Variants in PLD1 observed in about 807,000 individuals in gnomAD.
The protein encoded by PLD1 is phospholipase D1.
Under a neutral mutation model 137.1 loss-of-function variants are expected in PLD1, and 112 were observed. That is an observed-to-expected ratio of 0.82 (90% CI 0.70 to 0.96). The LOEUF (loss-of-function observed/expected upper bound fraction) is 0.96, where lower values mean the gene tolerates loss of function less well. Among genes scored for constraint, PLD1 ranks in the 40% least tolerant of loss-of-function variants. PLD1 has a pLI of 0.00. For missense variants in PLD1, 1,321 were observed against 1,342.0 expected, an observed-to-expected ratio of 0.98 and a Z score of 0.24; for synonymous variants, 431 against 454.7, an observed-to-expected ratio of 0.95 and a Z score of 0.66.
At chr3:171,603,993 G>T (rs545720865) in intron 26 of PLD1, among the ~76,000 whole-genome samples, 112 of 152,088 alleles carry the variant, frequency 7.4e-4, no homozygotes, top group Non-Finnish European at 9.0e-4. Context: ...ATGACTCTAT[G>T]CACATGACCT....
At chr3:171,729,718 A>G (rs147284132) in intron 6 of PLD1, among the ~76,000 whole-genome samples, 73 of 152,356 alleles carry the variant, frequency 4.8e-4, no homozygotes, top group South Asian at 1.2e-3. Flanking sequence ...CTAAGACTCA[A>G]TCATAAGAAA....
Position 171,659,199 on chromosome 3 carries a change from C to T in PLD1, c.2429+14G>A. 6.4e-7 allele frequency: 1 copy of T among 1,573,560 alleles called. No homozygotes were observed. Among genetic ancestry groups the T allele is most frequent in the East Asian group, 2.2e-5 (1 of 44,676 alleles). The stretch of plus-strand genomic sequence containing the variant: ...GAACATCTGCAGCGAGAACTCTCAG[C>T]CAAAGGCTGTTACCTGTGAGCTTTC... On this transcript the variant is annotated intron_variant, in intron 21 of 26. Transcript: ENST00000351298.
At chr3:171,712,772 T>C (rs948942888) in intron 9 of PLD1, among the ~76,000 whole-genome samples, 1 of 152,146 alleles carries the variant, frequency 6.6e-6, no homozygotes, top group Non-Finnish European at 1.5e-5. Context: ...AAGGGACCAG[T>C]GAGAACTGTG....
chr3:171,692,412 A>G lies in PLD1; in HGVS notation c.1258T>C (p.Tyr420His). 6.2e-7 allele frequency: 1 copy of G among 1,600,610 alleles called. No homozygotes were observed. Among genetic ancestry groups the G allele is most frequent in the Non-Finnish European group, 8.6e-7 (1 of 1,167,624 alleles). The change falls in exon 13 of 27, where the codon TAC becomes CAC. Residue 420 changes from tyrosine (Y) to histidine (H), a missense_variant. Physicochemically the swap from Tyr to His is moderately conservative, Grantham distance 83. Transcript: ENST00000351298. ...CCAAGAGCGAGTTCCACCTCTTTGT[A>G]GAGCATTATGAAGATCCTCACTCCT... ...QQGVRIFIML[Y>H]KEVELALGIN...
intron 26 of PLD1, among the ~76,000 whole-genome samples, chr3:171,604,659 T>G (rs996826849): frequency 2.6e-5 from 4 of 152,214 alleles, no homozygotes; most frequent in Admixed American, 1.3e-4. Flanking sequence ...AAGGATAGAC[T>G]TCACAGGCAA....
intron 23 of PLD1, among the ~76,000 whole-genome samples, chr3:171,631,672 A>G (rs758400939): frequency 5.9e-5 from 9 of 152,188 alleles, no homozygotes; most frequent in Non-Finnish European, 1.2e-4. Context: ...TCCAAAAATC[A>G]TCAAGCCACC....
At chr3:171,645,345 C>A (rs537165270) in intron 21 of PLD1, among the ~76,000 whole-genome samples, 3 of 152,036 alleles carry the variant, frequency 2.0e-5, no homozygotes, top group Admixed American at 6.6e-5. Context: ...TGGAAAGAGG[C>A]GGGTAGGGGA....
intron 8 of PLD1, among the ~76,000 whole-genome samples, chr3:171,720,477 A>G (rs1332067703): frequency 1.3e-5 from 2 of 151,214 alleles, no homozygotes; most frequent in East Asian, 3.9e-4. Context: ...AGCTACTCGG[A>G]GAGCCTGAGG....
rs890068626 is a variant in PLD1 at position 171,677,605 on chromosome 3, C to T, written c.1957G>A (p.Val653Ile). The T allele has an allele frequency of 1.2e-5, 19 of 1,613,912 alleles. No individual in the cohort carries two copies. Among genetic ancestry groups the T allele is most frequent in the South Asian group, 2.2e-5 (2 of 91,086 alleles). Residue 653 changes from valine to isoleucine, a missense_variant, in exon 17 of 27, where the codon GTC (valine) becomes ATC (isoleucine). Transcript: ENST00000351298. ...TCAAGTTGAACCCAGTCTTTGAAGA[C>T]GAAATTGCAGTAGTCCTTTCCATGC... ...FWHGKDYCNF[V>I]FKDWVQLDKP...
intron 1 of PLD1, among the ~76,000 whole-genome samples, chr3:171,781,507 T>A (rs1722795127): frequency 6.6e-6 from 1 of 152,146 alleles, no homozygotes; most frequent in African/African-American, 2.4e-5. Flanking sequence ...GTGCAAATCA[T>A]ATATCTGACA....
intron 1 of PLD1, among the ~76,000 whole-genome samples, chr3:171,751,593 A>T (rs1720663780): frequency 1.3e-5 from 2 of 152,246 alleles, no homozygotes; most frequent in African/African-American, 4.8e-5. Flanking sequence ...TGAAACAATG[A>T]GATACTATTT....
chr3:171,725,904 A>G lies in PLD1; in HGVS notation c.665+114T>C, dbSNP rs1718469955. 3 of 729,022 alleles carry G rather than the reference A, an allele frequency of 4.1e-6. No individual in the cohort carries two copies. The South Asian group carries it at 4.7e-5, about 11-fold the overall frequency. 45.2% of individuals were successfully genotyped at this position (729,022 alleles called of 1,614,324 possible). A position where few individuals can be genotyped will look rare whatever the true frequency, so the allele number is the denominator to read the frequency against. On this transcript the variant is annotated intron_variant, in intron 7 of 26. Transcript: ENST00000351298. ...ATCAGTTGCTCTAACTACTGGGGAGAAGAGAAGCTAGCAGTAAAGCCAGGA... is the reference window on the plus strand; with the variant it reads ...ATCAGTTGCTCTAACTACTGGGGAGGAGAGAAGCTAGCAGTAAAGCCAGGA...
chr3:171,685,177 T>C (rs1578268196), intron 16 of PLD1, among the ~76,000 whole-genome samples: 1 of 152,316 alleles, frequency 6.6e-6, no homozygotes, highest in East Asian at 1.9e-4. Flanking sequence ...ATTTTATGTG[T>C]GGCCCAAGAC....
intron 24 of PLD1, among the ~76,000 whole-genome samples, chr3:171,613,680 A>T (rs1319421986): frequency 6.6e-6 from 1 of 150,892 alleles, no homozygotes; most frequent in African/African-American, 2.5e-5. Flanking sequence ...TACCTGGTTC[A>T]TTCAAGGAGT....
chr3:171,763,523 CG>C (rs1721581470), intron 1 of PLD1, among the ~76,000 whole-genome samples: 1 of 5,862 alleles, frequency 1.7e-4, no homozygotes, highest in Non-Finnish European at 3.0e-4. Flanking sequence ...GGGAAGGGAG[CG>C]GAGGGGAGGA....
At chr3:171,677,506 C>A in intron 17 of PLD1, 60 bp downstream of exon 17, 1 of 1,521,904 alleles carries the variant, frequency 6.6e-7, no homozygotes, top group Admixed American at 1.8e-5. Context: ...TGTATACTTG[C>A]TGAGATGTTC....
chr3:171,614,888 G>T (rs1040002569), intron 24 of PLD1, among the ~76,000 whole-genome samples: 5 of 152,160 alleles, frequency 3.3e-5, no homozygotes, highest in African/African-American at 1.2e-4. Flanking sequence ...CGACACTCCC[G>T]AGGTGAGGAA....
chr3:171,724,642 C>T (rs989321406), intron 8 of PLD1, 54 bp downstream of exon 8: 6 of 997,034 alleles, frequency 6.0e-6, no homozygotes, highest in Admixed American at 1.7e-5. Context: ...TAAAACTAGC[C>T]CAAATACCCA....
chr3:171,735,388 A>G (rs1719279988), intron 4 of PLD1, 104 bp downstream of exon 4: 8 of 920,320 alleles, frequency 8.7e-6, no homozygotes, highest in African/African-American at 1.6e-5. Context: ...CTCCTGCCTC[A>G]GCCTCCCAAA....
Sources: allele counts gnomAD v4.1 joint callset (sites outside exome capture counted in the v4.1 genomes callset), GRCh38; gene constraint gnomAD v4.1.1; transcripts MANE v1.5; gene names NCBI Gene and HGNC (gene_info 2026-07-23, HGNC 2026-07-21).